The following GMEB2 variants were observed in gnomAD, a reference collection of about 807,000 sequenced individuals.
GMEB2 encodes the protein glucocorticoid modulatory element-binding protein 2.
In GMEB2, 7 loss-of-function variants were observed where a neutral mutation model predicts 45.7. The observed-to-expected ratio is 0.15, with a 90% CI of 0.09 to 0.29. The LOEUF (loss-of-function observed/expected upper bound fraction) is 0.29, where lower values mean the gene tolerates loss of function less well. GMEB2 is among the 10% of genes least tolerant of loss of function. The pLI, the probability that GMEB2 is intolerant of heterozygous loss-of-function variation, is 1.00. For synonymous variants in GMEB2, 322 were observed against 323.6 expected, an observed-to-expected ratio of 1.00 and a Z score of 0.05; for missense variants, 582 against 739.2, an observed-to-expected ratio of 0.79 and a Z score of 2.47.
intron 3 of GMEB2, 52 bp downstream of exon 3, chr20:63,604,691 C>A: frequency 1.0e-6 from 1 of 963,338 alleles, no homozygotes; most frequent in Non-Finnish European, 1.7e-6. Flanking sequence ...CAGGACTGTC[C>A]TGTCCCTGCT....
chr20:63,597,680 A>T (rs1294514892), intron 5 of GMEB2, 77 bp downstream of exon 5: 1 of 868,360 alleles, frequency 1.2e-6, no homozygotes, highest in Admixed American at 1.8e-5. Context: ...CATCTTCAAA[A>T]TCCCAAAACC....
chr20:63,615,439 G>A (rs6011929), intron 2 of GMEB2, among the ~76,000 whole-genome samples: 76,633 of 151,648 alleles, frequency 0.51, 20,468 homozygotes, highest in Middle Eastern at 0.66. Flanking sequence ...CAATCCTCCC[G>A]CCTCAACCTC....
In GMEB2 at chr20:63,610,470, G is replaced by A. The variant is rs999473064; in HGVS notation, c.132-5630C>T. Reference sequence around the variant, plus strand: ...CGGGAGGTGGAGGTTACAGTGAGCCGAGATCGCGCCATTGCACTCCAGTCT... The same window carrying A: ...CGGGAGGTGGAGGTTACAGTGAGCCAAGATCGCGCCATTGCACTCCAGTCT... On this transcript the variant is annotated intron_variant, in intron 2 of 9. Coordinates refer to ENST00000370077, the MANE Select transcript of GMEB2 (RefSeq NM_012384.5). Among the ~76,000 whole-genome samples, 11 of 152,262 alleles carry A rather than the reference G, an allele frequency of 7.2e-5. No homozygotes were observed. The South Asian group carries it at 1.0e-3, about 14-fold the overall frequency.
chr20:63,595,453 G>A (rs1468371494), intron 6 of GMEB2, among the ~76,000 whole-genome samples, 157 bp downstream of exon 6: 1 of 152,272 alleles, frequency 6.6e-6, no homozygotes, highest in Non-Finnish European at 1.5e-5. Flanking sequence ...GAGGCAGGAG[G>A]AGGCTGATCC....
intron 2 of GMEB2, among the ~76,000 whole-genome samples, chr20:63,617,067 T>C (rs1324765320): frequency 6.6e-6 from 1 of 151,556 alleles, no homozygotes; most frequent in Non-Finnish European, 1.5e-5. Context: ...CTCCAACTCC[T>C]GGGCTCAGGT....
At position 63,592,340 on chromosome 20, in the gene GMEB2, A is replaced by G. The variant is rs140902575; in HGVS notation, c.829+193T>C. On this transcript the variant is annotated intron_variant, in intron 8 of 9. Transcript: ENST00000370077. This position sits in a 1 kb window ranked among gnomAD's most constrained non-coding sequence, Gnocchi z 8.2. ...CCAGCCAGCCAGGAGCTCAGTTCAGAGGGAGAAGACTGAGATACATCAAGG... is the reference window on the plus strand; with the variant it reads ...CCAGCCAGCCAGGAGCTCAGTTCAGGGGGAGAAGACTGAGATACATCAAGG... 4.6e-5 allele frequency among the ~76,000 whole-genome samples: 7 copies of G among 152,286 alleles called. No individual in the cohort carries two copies. The highest frequency in any genetic ancestry group is 4.6e-4 in the Admixed American group (7 of 15,304).
Position 63,589,399 on chromosome 20 carries a change from G to C in GMEB2, c.*690C>G. ...AGCAATTCACTTAAAAACACCCTCA[G>C]TACATGTGCAACAATGCCTGGACCA... On this transcript the variant is annotated 3_prime_UTR_variant, in exon 10 of 10. Coordinates refer to ENST00000370077, the MANE Select transcript of GMEB2 (RefSeq NM_012384.5). 2.6e-6 allele frequency: 1 copy of C among 390,236 alleles called. No homozygotes were observed. The allele number at this position is 390,236 out of a possible 1,614,324, so 24.2% of individuals were successfully genotyped here.
intron 6 of GMEB2, among the ~76,000 whole-genome samples, chr20:63,594,239 G>T (rs556372190): frequency 6.6e-5 from 10 of 152,358 alleles, no homozygotes; most frequent in South Asian, 2.1e-4. Context: ...GCAGGTTAAA[G>T]AACCCAAATC....
intron 1 of GMEB2, among the ~76,000 whole-genome samples, 156 bp downstream of exon 1, chr20:63,626,800 G>A (rs2089678089): frequency 2.1e-5 from 3 of 145,886 alleles, no homozygotes; most frequent in South Asian, 4.2e-4. Context: ...CGTTGCGCCT[G>A]ACGCCGCCGC....
intron 5 of GMEB2, among the ~76,000 whole-genome samples, chr20:63,597,187 A>T (rs554104618): frequency 2.3e-5 from 3 of 132,874 alleles, no homozygotes; most frequent in East Asian, 4.1e-4. Flanking sequence ...TTTGAGACAG[A>T]GTCTCACTCT....
At chr20:63,626,627 G>A (rs1380466580) in intron 1 of GMEB2, among the ~76,000 whole-genome samples, 1 of 151,654 alleles carries the variant, frequency 6.6e-6, no homozygotes, top group Middle Eastern at 3.4e-3. Flanking sequence ...GTGCCTGCGG[G>A]GTGGTCCCTG....
intron 4 of GMEB2, among the ~76,000 whole-genome samples, chr20:63,599,198 C>T (rs896118795): frequency 8.7e-5 from 13 of 149,488 alleles, no homozygotes; most frequent in Admixed American, 2.6e-4. Context: ...CCCCCCGGAG[C>T]TAACGTGGCC....
intron 2 of GMEB2, among the ~76,000 whole-genome samples, chr20:63,605,540 A>AAG (rs1225973598): frequency 1.3e-5 from 2 of 151,164 alleles, no homozygotes; most frequent in Non-Finnish European, 3.0e-5. Context: ...AAAAAAAAAA[A>AAG]AAAAGAAATG....
rs1484195775 is a variant in GMEB2, at chr20:63,592,475, C to T, written c.829+58G>A. On this transcript the variant is annotated intron_variant, in intron 8 of 9. Coordinates refer to ENST00000370077, the MANE Select transcript of GMEB2 (RefSeq NM_012384.5). This position sits in a 1 kb window ranked among gnomAD's most constrained non-coding sequence, Gnocchi z 8.2. ...AGGGGCAGGAGGGCCAGTGGCCTCACCTCCTGCAGAGACTCCTGGGCTGAG... is the reference window on the plus strand; with the variant it reads ...AGGGGCAGGAGGGCCAGTGGCCTCATCTCCTGCAGAGACTCCTGGGCTGAG... The T allele has an allele frequency of 8.4e-6, 12 of 1,432,938 alleles. No individual in the cohort carries two copies. The highest frequency in any genetic ancestry group is 1.2e-5 in the Non-Finnish European group (12 of 1,033,034). 88.8% of individuals were successfully genotyped at this position (1,432,938 alleles called of 1,614,324 possible). A position where few individuals can be genotyped will look rare whatever the true frequency, so the allele number is the denominator to read the frequency against.
rs2083158235 is a variant in GMEB2, at chr20:63,592,650, G to A, written c.712C>T (p.Arg238Trp). 1.9e-6 allele frequency: 3 copies of A among 1,613,184 alleles called. No individual in the cohort carries two copies. The highest frequency in any genetic ancestry group is 8.5e-7 in the Non-Finnish European group (1 of 1,179,266). The change falls in exon 8 of 10, where the codon CGG (arginine) becomes TGG (tryptophan). Residue 238 changes from arginine to tryptophan, a missense_variant. Transcript: ENST00000370077. The surrounding 1 kb of genome is among the most constrained non-coding windows in gnomAD (Gnocchi z 8.2). The stretch of plus-strand genomic sequence containing the variant: ...AGCAGGCCGGCGTCCTTCAGCCCCC[G>A]CCAGAAGGTAAATGTGTCATCTGTG... Reference protein sequence around the residue: ...AIGDDTFTFWRGLKDAGLLDE... With the variant: ...AIGDDTFTFWWGLKDAGLLDE...
intron 9 of GMEB2, 143 bp downstream of exon 9, chr20:63,591,879 G>C: frequency 4.7e-6 from 3 of 631,954 alleles, no homozygotes; most frequent in Non-Finnish European, 5.4e-6. Context: ...TGTTTTCCTC[G>C]CACAACAGCA....
chr20:63,603,145 C>A, intron 3 of GMEB2, 53 bp from the exon 4 acceptor site: 1 of 1,587,486 alleles, frequency 6.3e-7, no homozygotes, highest in East Asian at 2.2e-5. Context: ...TCAGTTACAA[C>A]CTCTTCAAAG....
intron 4 of GMEB2, among the ~76,000 whole-genome samples, chr20:63,598,988 C>T (rs1426712122): frequency 2.0e-5 from 3 of 152,326 alleles, no homozygotes; most frequent in Middle Eastern, 3.4e-3. Flanking sequence ...CTTGCTTTCA[C>T]CTTTGTTACT....
chr20:63,595,504 G>T, intron 6 of GMEB2, 106 bp downstream of exon 6: 1 of 1,004,830 alleles, frequency 1.0e-6, no homozygotes. Flanking sequence ...GGCAGTCCTG[G>T]CGTGAGCAAA....
Sources: gnomAD v4.1 joint callset for allele counts (sites outside exome capture counted in the v4.1 genomes callset) on GRCh38, gnomAD v4.1.1 for gene constraint, Gnocchi (gnomAD v3.1) non-coding constraint, MANE v1.5 for transcripts, NCBI Gene and HGNC (gene_info 2026-07-23, HGNC 2026-07-21) for gene names.